Variants in PDE1C observed in about 807,000 individuals in gnomAD.
PDE1C encodes the protein dual specificity calcium/calmodulin-dependent 3',5'-cyclic nucleotide phosphodiesterase 1C.
A neutral mutation model predicts 93.1 loss-of-function variants in PDE1C; 62 were observed. The observed-to-expected ratio is 0.67, with a 90% CI of 0.54 to 0.82. PDE1C has a LOEUF of 0.82. Among genes scored for constraint, PDE1C ranks in the 40% least tolerant of loss-of-function variants. The pLI is 0.00. For missense variants in PDE1C, 742 were observed against 884.6 expected (o/e 0.84, Z 2.04); for synonymous variants, 325 against 310.1 (o/e 1.05, Z -0.50).
intron 2 of PDE1C, among the ~76,000 whole-genome samples, chr7:31,892,850 A>G (rs148438913): frequency 4.9e-4 from 74 of 152,346 alleles, no homozygotes; most frequent in African/African-American, 1.6e-3. Flanking sequence ...GTTGCACAGC[A>G]TGGTGACTAT....
intron 2 of PDE1C, among the ~76,000 whole-genome samples, chr7:31,916,527 T>G (rs946023783): frequency 7.9e-5 from 12 of 152,190 alleles, no homozygotes; most frequent in African/African-American, 2.9e-4. Context: ...GACACCATTT[T>G]CCTGGTGTGA....
chr7:31,899,554 T>TAG (rs1799723068), intron 2 of PDE1C, among the ~76,000 whole-genome samples: 1 of 152,136 alleles, frequency 6.6e-6, no homozygotes, highest in Non-Finnish European at 1.5e-5. Flanking sequence ...TTAACAAGTG[T>TAG]TATATATTTT....
chr7:32,268,629 G>A (rs1271791184), intron 1 of PDE1C, among the ~76,000 whole-genome samples: 1 of 151,988 alleles, frequency 6.6e-6, no homozygotes, highest in East Asian at 1.9e-4. Flanking sequence ...GAGAAAATGA[G>A]GGAAAATTGC....
At chr7:32,396,081 TG>T (rs1327082538) in intron 1 of PDE1C, among the ~76,000 whole-genome samples, 1 of 152,164 alleles carries the variant, frequency 6.6e-6, no homozygotes, top group African/African-American at 2.4e-5. Context: ...AAAGTTTATA[TG>T]GCAAAAGAAT....
At chr7:31,895,722 T>C (rs1799220135) in intron 2 of PDE1C, among the ~76,000 whole-genome samples, 1 of 151,972 alleles carries the variant, frequency 6.6e-6, no homozygotes, top group Non-Finnish European at 1.5e-5. Flanking sequence ...AATTGACTCA[T>C]GGGGGCTGGT....
chr7:31,669,357 A>G, the PDE1C span, among the ~76,000 whole-genome samples: 1 of 152,202 alleles, frequency 6.6e-6, no homozygotes, highest in Non-Finnish European at 1.5e-5. Flanking sequence ...CCCACTGTTA[A>G]TCTTTACTAC....
chr7:31,657,951 G>A, the PDE1C span, among the ~76,000 whole-genome samples: 1 of 152,106 alleles, frequency 6.6e-6, no homozygotes, highest in East Asian at 1.9e-4. Context: ...TTAAAGCACA[G>A]GATCCTACCC....
At chr7:31,967,510 C>G (rs1345297761) in intron 2 of PDE1C, among the ~76,000 whole-genome samples, 1 of 152,226 alleles carries the variant, frequency 6.6e-6, no homozygotes, top group African/African-American at 2.4e-5. Flanking sequence ...GATGGATTCA[C>G]AGCCAAATTC....
chr7:31,859,382 G>T (rs963188835), intron 7 of PDE1C, among the ~76,000 whole-genome samples: 1 of 148,468 alleles, frequency 6.7e-6, no homozygotes, highest in Non-Finnish European at 1.5e-5. Flanking sequence ...GTACAATAAT[G>T]TACAATGTAC....
intron 17 of PDE1C, among the ~76,000 whole-genome samples, chr7:31,754,482 C>T (rs1273325164): frequency 6.6e-6 from 1 of 152,168 alleles, no homozygotes; most frequent in East Asian, 1.9e-4. Context: ...CTGGAAGCAA[C>T]TAAGATGTCC....
chr7:32,203,266 CCTT>C (rs1427011860), intron 2 of PDE1C, among the ~76,000 whole-genome samples: 12 of 152,120 alleles, frequency 7.9e-5, no homozygotes, highest in Non-Finnish European at 1.6e-4. Context: ...GTTCAAGCTC[CCTT>C]CTTTTGTCAC....
At chr7:31,693,935 C>A in the PDE1C span, among the ~76,000 whole-genome samples, 102 of 152,256 alleles carry the variant, frequency 6.7e-4, no homozygotes, top group African/African-American at 2.3e-3. Context: ...TATATCCAGG[C>A]CATACTTAGA....
chr7:32,341,315 A>G (rs1044295004), intron 1 of PDE1C, among the ~76,000 whole-genome samples: 13 of 147,384 alleles, frequency 8.8e-5, no homozygotes, highest in Non-Finnish European at 3.0e-5. Context: ...AGCTGGGACT[A>G]CAGGCGCCCG....
intron 2 of PDE1C, among the ~76,000 whole-genome samples, chr7:32,033,814 C>T (rs1040013957): frequency 6.6e-6 from 1 of 152,180 alleles, no homozygotes; most frequent in Non-Finnish European, 1.5e-5. Flanking sequence ...GATTTATTAA[C>T]GTACTTATAT....
chr7:32,369,924 G>A lies in PDE1C; in HGVS notation c.310+57898C>T, dbSNP rs538851481. On this transcript the variant is annotated intron_variant, in intron 1 of 1. Transcript: ENST00000672256. The stretch of plus-strand genomic sequence containing the variant: ...CAACCATTGTGGAAGACAGTGTGGT[G>A]ATTCCTCAAGGATCTAGAACTAGAA... Among the ~76,000 whole-genome samples the A allele has an allele frequency of 6.6e-5, 10 of 152,266 alleles. No homozygotes were observed. The East Asian group carries it at 1.7e-3, about 27-fold the overall frequency.
chr7:32,194,469 C>T (rs1461637060), intron 2 of PDE1C, among the ~76,000 whole-genome samples: 1 of 152,050 alleles, frequency 6.6e-6, no homozygotes, highest in Non-Finnish European at 1.5e-5. Context: ...ACATATTTTC[C>T]AACTGTATTG....
intron 2 of PDE1C, among the ~76,000 whole-genome samples, chr7:31,929,182 A>C (rs1803846250): frequency 6.6e-6 from 1 of 152,202 alleles, no homozygotes; most frequent in South Asian, 2.1e-4. Context: ...GGATCAAAAA[A>C]GACAAAAAAG....
upstream of PDE1C, chr7:32,071,114 G>C (rs1323085680): frequency 2.0e-6 from 2 of 985,430 alleles, no homozygotes; most frequent in African/African-American, 1.7e-5. Context: ...GGCACACGCT[G>C]GGCTCCGACC....
intron 2 of PDE1C, among the ~76,000 whole-genome samples, chr7:31,936,257 G>C (rs1405552575): frequency 6.6e-6 from 1 of 152,138 alleles, no homozygotes; most frequent in Non-Finnish European, 1.5e-5. Flanking sequence ...GGTTGGGATA[G>C]ACAGTAACAT....
Sources: allele counts gnomAD v4.1 joint callset (sites outside exome capture counted in the v4.1 genomes callset), GRCh38; gene constraint gnomAD v4.1.1; transcripts MANE v1.5; gene names NCBI Gene and HGNC (gene_info 2026-07-23, HGNC 2026-07-21).